The following KLHL14 variants were observed in gnomAD, a reference collection of about 807,000 sequenced individuals.
KLHL14 encodes kelch like family member 14.
In KLHL14, 22 loss-of-function variants were observed where a neutral mutation model predicts 64.3. The observed-to-expected ratio is 0.34, with a 90% CI of 0.24 to 0.49. The LOEUF is 0.49. Ranked by LOEUF, KLHL14 falls within the 20% of genes least tolerant of loss-of-function variation. The pLI is 0.99. For synonymous variants in KLHL14, 322 were observed against 333.4 expected, an observed-to-expected ratio of 0.97 and a Z score of 0.37; for missense variants, 661 against 789.0, an observed-to-expected ratio of 0.84 and a Z score of 1.94.
chr18:32,728,891 G>A lies in KLHL14; in HGVS notation c.1069+13037C>T, dbSNP rs190541707. On this transcript the variant is annotated intron_variant, in intron 3 of 8. Transcript: ENST00000359358. ...AACACCAAGGAGGGCTGGAAGCCACGAGAAGTTAGGAAGGAGGAAGGAAGT... is the reference window on the plus strand; with the variant it reads ...AACACCAAGGAGGGCTGGAAGCCACAAGAAGTTAGGAAGGAGGAAGGAAGT... Among the ~76,000 whole-genome samples, 125 of 152,302 alleles carry A rather than the reference G, an allele frequency of 8.2e-4. 2 individuals carry two copies. The East Asian group carries it at 0.019, about 23-fold the overall frequency.
At chr18:32,750,778 T>C (rs1451577946) in intron 2 of KLHL14, among the ~76,000 whole-genome samples, 1 of 152,164 alleles carries the variant, frequency 6.6e-6, no homozygotes, top group Non-Finnish European at 1.5e-5. Context: ...TCAGCTGGAT[T>C]CAGCTGGGTT....
chr18:32,716,698 C>T (rs891052650), intron 3 of KLHL14, among the ~76,000 whole-genome samples: 1 of 152,214 alleles, frequency 6.6e-6, no homozygotes, highest in African/African-American at 2.4e-5. Context: ...TGATTACAGG[C>T]ATGGGCCTCT....
At chr18:32,763,884 G>A (rs752514228) in intron 2 of KLHL14, among the ~76,000 whole-genome samples, 9 of 152,144 alleles carry the variant, frequency 5.9e-5, no homozygotes, top group Admixed American at 2.0e-4. Flanking sequence ...AGAAGTCACC[G>A]TCTATTGGGG....
At chr18:32,764,804 C>A (rs1803208695) in intron 2 of KLHL14, among the ~76,000 whole-genome samples, 1 of 151,880 alleles carries the variant, frequency 6.6e-6, no homozygotes, top group South Asian at 2.1e-4. Flanking sequence ...ACCTTGTGAC[C>A]CCAAAGCCAA....
chr18:32,712,748 G>A (rs1373557762), intron 3 of KLHL14, among the ~76,000 whole-genome samples: 3 of 152,098 alleles, frequency 2.0e-5, no homozygotes, highest in African/African-American at 7.2e-5. Context: ...ACTTCAACCT[G>A]TTCCAGTTAG....
Position 32,770,271 on chromosome 18 carries a change from A to C in KLHL14, c.321T>G (p.Pro107=). The change falls in exon 2 of 9, where the codon CCT becomes CCG. Residue 107 remains proline (P), a synonymous_variant. Transcript: ENST00000359358. The surrounding 1 kb of genome is among the most constrained non-coding windows in gnomAD (Gnocchi z 6.7). The stretch of plus-strand genomic sequence containing the variant: ...GCAGCTTGTCGTCGGGGGAGGAAGA[A>C]GGAGTCCCGGGCTCCTCCTGCGGCG... ...QPPPQEEPGT[P]SSSPDDKLLT... 1 of 1,592,816 alleles carries C rather than the reference A, an allele frequency of 6.3e-7. No individual in the cohort carries two copies. Among genetic ancestry groups the C allele is most frequent in the Non-Finnish European group, 8.6e-7 (1 of 1,168,482 alleles).
chr18:32,686,153 A>C (rs889628853), intron 5 of KLHL14, among the ~76,000 whole-genome samples: 2 of 147,526 alleles, frequency 1.4e-5, no homozygotes, highest in African/African-American at 5.0e-5. Flanking sequence ...CTGGGATTAC[A>C]GGCGCTTGCC....
At position 32,770,046 on chromosome 18, in the gene KLHL14, C is replaced by G. The variant is rs777039357; in HGVS notation, c.546G>C (p.Ser182=). The part of the protein sequence containing the change: ...LCVQFLNDQI[S]VQNYKQVCKI... ...TGCACACCTGCTTGTAGTTCTGCAC[C>G]GAGATCTGGTCGTTGAGGAACTGCA... Residue 182 remains serine, a synonymous_variant, in exon 2 of 9, where the codon TCG becomes TCC. Transcript: ENST00000359358. This position sits in a 1 kb window ranked among gnomAD's most constrained non-coding sequence, Gnocchi z 6.7. 1 of 1,614,164 alleles carries G rather than the reference C, an allele frequency of 6.2e-7. No homozygotes were observed. Among genetic ancestry groups the G allele is most frequent in the East Asian group, 2.2e-5 (1 of 44,870 alleles).
At chr18:32,765,184 G>A (rs1040350636) in intron 2 of KLHL14, among the ~76,000 whole-genome samples, 10 of 152,326 alleles carry the variant, frequency 6.6e-5, no homozygotes, top group Middle Eastern at 3.4e-3. Flanking sequence ...ATTAAGTAAT[G>A]TATGTGAAGT....
rs1411863605 is a variant in KLHL14 at position 32,680,339 on chromosome 18, A to G, written c.1430-12T>C. On this transcript the variant is annotated splice_polypyrimidine_tract_variant and intron_variant, in intron 6 of 8. Transcript: ENST00000359358. This position sits in a 1 kb window ranked among gnomAD's most constrained non-coding sequence, Gnocchi z 4.8. ...ATTGTGTACACCCCCTGTGAAATAA[A>G]CATAGACATACAAGTCAAGAGAGTG... 2.5e-6 allele frequency: 4 copies of G among 1,613,574 alleles called. No individual in the cohort carries two copies. In the South Asian group the frequency reaches 4.4e-5, roughly 18 times the overall value.
intron 3 of KLHL14, among the ~76,000 whole-genome samples, chr18:32,713,683 GT>G (rs1333288674): frequency 6.6e-6 from 1 of 152,110 alleles, no homozygotes; most frequent in African/African-American, 2.4e-5. Flanking sequence ...GTAATATGCT[GT>G]TTTCACCTAA....
At chr18:32,719,861 C>T (rs2050067613) in intron 3 of KLHL14, among the ~76,000 whole-genome samples, 1 of 152,196 alleles carries the variant, frequency 6.6e-6, no homozygotes, top group South Asian at 2.1e-4. Flanking sequence ...GTCAGAAGGA[C>T]GTGCGTAGCC....
At position 32,673,355 on chromosome 18, in the gene KLHL14, C is replaced by G. The variant is rs1345737893; in HGVS notation, c.*1302G>C. On this transcript the variant is annotated 3_prime_UTR_variant, in exon 9 of 9. Coordinates refer to ENST00000359358, the MANE Select transcript of KLHL14 (RefSeq NM_020805.3). ...AATATATTTTAGGCTTTTATTTACTCCTAAAGTTGTTGTTCAAGCTCTGGA... is the reference window on the plus strand; with the variant it reads ...AATATATTTTAGGCTTTTATTTACTGCTAAAGTTGTTGTTCAAGCTCTGGA... 6.6e-6 allele frequency: 1 copy of G among 152,044 alleles called. No individual in the cohort carries two copies. Among genetic ancestry groups the G allele is most frequent in the Non-Finnish European group, 1.5e-5 (1 of 68,016 alleles). The allele number at this position is 152,044 out of a possible 1,614,324, so 9.4% of individuals were successfully genotyped here. A position where few individuals can be genotyped will look rare whatever the true frequency, so the allele number is the denominator to read the frequency against.
In KLHL14 at chr18:32,711,632, T is replaced by C. The variant is rs574115048; in HGVS notation, c.1070-16080A>G. Among the ~76,000 whole-genome samples the C allele has an allele frequency of 4.6e-5, 7 of 152,274 alleles. No homozygotes were observed. In the East Asian group the frequency reaches 1.4e-3, roughly 29 times the overall value. On this transcript the variant is annotated intron_variant, in intron 3 of 8. Coordinates refer to ENST00000359358, the MANE Select transcript of KLHL14 (RefSeq NM_020805.3). Reference sequence around the variant, plus strand: ...CTTTAATAAAGTAGTTAATGAACTGTCCTCTTCCCTCAGGAAGAGTATCTG... The same window carrying C: ...CTTTAATAAAGTAGTTAATGAACTGCCCTCTTCCCTCAGGAAGAGTATCTG...
chr18:32,709,575 A>G (rs1447094554), intron 3 of KLHL14, among the ~76,000 whole-genome samples: 2 of 152,022 alleles, frequency 1.3e-5, no homozygotes, highest in African/African-American at 4.8e-5. Context: ...AGCCTTCCCA[A>G]GTTGCTAGGA....
intron 3 of KLHL14, among the ~76,000 whole-genome samples, chr18:32,736,994 C>T (rs1432702780): frequency 6.6e-6 from 1 of 152,008 alleles, no homozygotes; most frequent in Non-Finnish European, 1.5e-5. Context: ...TCTATCCTAC[C>T]ATCCAACACA....
At chr18:32,674,826 A>G in intron 8 of KLHL14, 29 bp from the exon 9 acceptor site, 1 of 775,772 alleles carries the variant, frequency 1.3e-6, no homozygotes, top group Non-Finnish European at 2.4e-6. Flanking sequence ...GAGCATTTAG[A>G]GAAGGAAGCT....
chr18:32,735,070 C>A (rs1331691374), intron 3 of KLHL14, among the ~76,000 whole-genome samples: 1 of 152,178 alleles, frequency 6.6e-6, no homozygotes. Context: ...TATTATTGAC[C>A]TCTAAGAGTA....
intron 3 of KLHL14, among the ~76,000 whole-genome samples, chr18:32,711,746 C>G (rs9963370): frequency 0.29 from 43,410 of 151,948 alleles, 6,422 homozygotes; most frequent in African/African-American, 0.34. Flanking sequence ...TATCTTTATT[C>G]CCTCCTGATT....
Sources: gnomAD v4.1 joint callset for allele counts (sites outside exome capture counted in the v4.1 genomes callset) on GRCh38, gnomAD v4.1.1 for gene constraint, Gnocchi (gnomAD v3.1) non-coding constraint, MANE v1.5 for transcripts, NCBI Gene and HGNC (gene_info 2026-07-23, HGNC 2026-07-21) for gene names.